Variants in LIMS2 observed in about 807,000 individuals in gnomAD.
LIMS2 encodes LIM zinc finger domain containing 2, also known as LIM and senescent cell antigen-like-containing domain protein 2.
A neutral mutation model predicts 45.3 loss-of-function variants in LIMS2; 30 were observed. The ratio of observed to expected loss-of-function variants is 0.66; its 90% CI spans 0.50 to 0.90. LIMS2 has a LOEUF of 0.90. Among genes scored for constraint, LIMS2 ranks in the 40% least tolerant of loss-of-function variants. LIMS2 has a pLI of 0.00. For synonymous variants in LIMS2, 173 were observed against 188.0 expected (o/e 0.92, Z 0.65); for missense variants, 485 against 468.7 (o/e 1.03, Z -0.32).
chr2:127,664,607 C>A lies in LIMS2; in HGVS notation c.12-7045G>T, dbSNP rs1558898893. On this transcript the variant is annotated intron_variant, in intron 1 of 9. Transcript: ENST00000355119. This position sits in a 1 kb window ranked among gnomAD's most constrained non-coding sequence, Gnocchi z 5.5. ...AATAGAAAGGATATTGTTCGCGCCGCGGGGGCAGCTCCTGAAAGCTGAGGC... is the reference window on the plus strand; with the variant it reads ...AATAGAAAGGATATTGTTCGCGCCGAGGGGGCAGCTCCTGAAAGCTGAGGC... 6 of 1,118,058 alleles carry A rather than the reference C, an allele frequency of 5.4e-6. No individual in the cohort carries two copies. The South Asian group carries it at 2.2e-4, about 41-fold the overall frequency. The allele number at this position is 1,118,058 out of a possible 1,614,324, so 69.3% of individuals were successfully genotyped here. A position where few individuals can be genotyped will look rare whatever the true frequency, so the allele number is the denominator to read the frequency against.
rs537035634 is a variant in LIMS2, at chr2:127,638,876, T to C, written c.*405A>G. ...GGCTGTGGGTAGCCCAGGAGCCACA[T>C]GCGCTTAGTGGGGCCGCTCTGGGGC... is the stretch of plus-strand genomic sequence containing the variant. On this transcript the variant is annotated 3_prime_UTR_variant, in exon 10 of 10. Coordinates refer to ENST00000355119, the MANE Select transcript of LIMS2 (RefSeq NM_001161403.3). 38 of 184,990 alleles carry C rather than the reference T, an allele frequency of 2.1e-4. No individual in the cohort carries two copies. Among genetic ancestry groups the C allele is most frequent in the Non-Finnish European group, 5.7e-5 (5 of 88,192 alleles). The allele number at this position is 184,990 out of a possible 1,614,324, so 11.5% of individuals were successfully genotyped here.
At chr2:127,657,974 G>C (rs1272052467) in intron 1 of LIMS2, among the ~76,000 whole-genome samples, 1 of 152,194 alleles carries the variant, frequency 6.6e-6, no homozygotes, top group Non-Finnish European at 1.5e-5. Flanking sequence ...AGCAGAGCGG[G>C]GTCCACACTT....
intron 1 of LIMS2, 41 bp from the exon 2 acceptor site, chr2:127,657,603 G>C: frequency 6.4e-7 from 1 of 1,556,826 alleles, no homozygotes; most frequent in Non-Finnish European, 8.7e-7. Flanking sequence ...GAGCTGGTCA[G>C]GGGTGCAGAT....
intron 4 of LIMS2, chr2:127,651,046 G>A: frequency 6.2e-7 from 1 of 1,613,764 alleles, no homozygotes; most frequent in Non-Finnish European, 8.5e-7. Flanking sequence ...GAAATCGCAT[G>A]CCGTCTCACC....
In LIMS2 at chr2:127,647,287, T is replaced by G. The variant is rs1466553452; in HGVS notation, c.360-4215A>C. On this transcript the variant is annotated intron_variant, in intron 4 of 9. Transcript: ENST00000355119. This position sits in a 1 kb window ranked among gnomAD's most constrained non-coding sequence, Gnocchi z 4.3. The stretch of plus-strand genomic sequence containing the variant: ...CCTGGGAGACAACTCCATGGCAAAC[T>G]CTGAGACTGAGTCACACTCCCCACC... 7.9e-5 allele frequency among the ~76,000 whole-genome samples: 12 copies of G among 152,044 alleles called. No individual in the cohort carries two copies. The East Asian group carries it at 2.3e-3, about 29-fold the overall frequency.
rs752811662 is a variant in LIMS2, at chr2:127,657,407, T to C, written c.167A>G (p.Tyr56Cys). Residue 56 changes from tyrosine (Y) to cysteine (C), a missense_variant, in exon 2 of 10, where the codon TAT becomes TGT. By Grantham distance (194) the Tyr-to-Cys change is radical. Coordinates refer to ENST00000355119, the MANE Select transcript of LIMS2 (RefSeq NM_001161403.3). ...AGCCCTCAGTAGTGTCCTCACCTCA[T>C]AGAAGAGCCCCTCGGGGAAGGGCCG... is the stretch of plus-strand genomic sequence containing the variant. ...CFRPFPEGLF[Y>C]EFEGRKYCEH... 35 of 1,613,600 alleles carry C rather than the reference T, an allele frequency of 2.2e-5. No homozygotes were observed. In the South Asian group the frequency reaches 2.7e-4, roughly 13 times the overall value.
At position 127,642,464 on chromosome 2, in the gene LIMS2, C is replaced by CCCT. The variant is rs1682524661; in HGVS notation, c.510-268_510-266dup. The CCCT allele has an allele frequency of 2.4e-6, 1 of 422,084 alleles. No homozygotes were observed. The highest frequency in any genetic ancestry group is 4.0e-5 in the Admixed American group (1 of 24,866). 26.1% of individuals were successfully genotyped at this position (422,084 alleles called of 1,614,324 possible). ...GAGAAGCAGGTCTGTTCTTGGGCCCCCCTCCTCCTCCAAACCAGAGGGGGT... is the reference window on the plus strand; with the variant it reads ...GAGAAGCAGGTCTGTTCTTGGGCCCCCCTCCTCCTCCTCCAAACCAGAGGGGGT... On this transcript the variant is annotated intron_variant, in intron 5 of 9. Coordinates refer to ENST00000355119, the MANE Select transcript of LIMS2 (RefSeq NM_001161403.3). This position sits in a 1 kb window ranked among gnomAD's most constrained non-coding sequence, Gnocchi z 5.3.
At position 127,659,489 on chromosome 2, in the gene LIMS2, C is replaced by T. The variant is rs73954687; in HGVS notation, c.12-1927G>A. On this transcript the variant is annotated intron_variant, in intron 1 of 9. Transcript: ENST00000355119. Reference sequence around the variant, plus strand: ...GAGCCTGGCCGCCCCAAGCCACCCTCGAGGGCTGGGCAGGGCTTCACTAGG... The same window carrying T: ...GAGCCTGGCCGCCCCAAGCCACCCTTGAGGGCTGGGCAGGGCTTCACTAGG... Among the ~76,000 whole-genome samples the T allele has an allele frequency of 2.6e-3, 393 of 152,048 alleles. 1 individual carries two copies. The highest frequency in any genetic ancestry group is 8.8e-3 in the African/African-American group (365 of 41,484).
At chr2:127,640,577 C>T (rs1682304846) in intron 7 of LIMS2, 4 of 601,504 alleles carry the variant, frequency 6.6e-6, no homozygotes, top group Non-Finnish European at 1.2e-5. Flanking sequence ...GGAGGTGGGC[C>T]CAGGTGGTGA....
chr2:127,657,366 G>A (rs374270306), intron 2 of LIMS2, 37 bp downstream of exon 2: 152 of 1,612,846 alleles, frequency 9.4e-5, no homozygotes, highest in African/African-American at 3.7e-4. Flanking sequence ...GGCAGACTCC[G>A]AGCTGGGTCT....
chr2:127,642,223 A>C lies in LIMS2; in HGVS notation c.510-24T>G, dbSNP rs975663784. 6.6e-7 allele frequency: 1 copy of C among 1,506,872 alleles called. No homozygotes were observed. 93.3% of individuals were successfully genotyped at this position (1,506,872 alleles called of 1,614,324 possible). ...TCCTGGAAGACAGCGTGCAGCCCCC[A>C]GGTGCCACCCCTGCCCTTCTGCAGG... is the stretch of plus-strand genomic sequence containing the variant. On this transcript the variant is annotated intron_variant, in intron 5 of 9. Transcript: ENST00000355119. The surrounding 1 kb of genome is among the most constrained non-coding windows in gnomAD (Gnocchi z 5.3).
At chr2:127,652,812 G>A (rs982548677) in intron 4 of LIMS2, among the ~76,000 whole-genome samples, 2 of 152,204 alleles carry the variant, frequency 1.3e-5, no homozygotes, top group African/African-American at 4.8e-5. Context: ...GGGGCTGGGA[G>A]GGCCAAGTAG....
rs759124947 is a variant in LIMS2 at position 127,639,369 on chromosome 2, G to A, written c.938C>T (p.Pro313Leu). ...PVCKRCYEKF[P>L]LELKKRLKKL... ...CTTCAGCCGCTTCTTCAGCTCCAGC[G>A]GGAACTTCTCGTAGCACCTCTTACA... Residue 313 changes from proline (P) to leucine (L), a missense_variant, in exon 10 of 10, where the codon CCG (proline) becomes CTG (leucine). Physicochemically the swap from Pro to Leu is moderately conservative, Grantham distance 98 (BLOSUM62 -3). Transcript: ENST00000355119. 5.0e-6 allele frequency: 8 copies of A among 1,613,926 alleles called. No homozygotes were observed. The highest frequency in any genetic ancestry group is 2.2e-5 in the South Asian group (2 of 91,078).
Position 127,653,487 on chromosome 2 carries a change from T to C in LIMS2, c.359+937A>G, listed in dbSNP as rs1391216403. Among the ~76,000 whole-genome samples the C allele has an allele frequency of 6.6e-6, 1 of 152,138 alleles. No homozygotes were observed. The highest frequency in any genetic ancestry group is 1.5e-5 in the Non-Finnish European group (1 of 68,022). On this transcript the variant is annotated intron_variant, in intron 4 of 9. Transcript: ENST00000355119. This position sits in a 1 kb window ranked among gnomAD's most constrained non-coding sequence, Gnocchi z 5.3. ...TGGAGCCTGGAATTCTCCAGACACA[T>C]GTGCCATTTAGGGCTCTAGGATTCT...
chr2:127,658,979 G>A (rs1373693342), intron 1 of LIMS2, among the ~76,000 whole-genome samples: 3 of 152,232 alleles, frequency 2.0e-5, no homozygotes, highest in East Asian at 1.9e-4. Flanking sequence ...GCTGTTCTGC[G>A]GCCTGCAATC....
At chr2:127,673,409 T>C (rs1227306957) in intron 1 of LIMS2, among the ~76,000 whole-genome samples, 1 of 152,126 alleles carries the variant, frequency 6.6e-6, no homozygotes, top group Non-Finnish European at 1.5e-5. Context: ...CCCTGTGTCA[T>C]TTGAGGGTAA....
intron 4 of LIMS2, among the ~76,000 whole-genome samples, chr2:127,648,794 G>A (rs972933365): frequency 6.6e-6 from 1 of 151,594 alleles, no homozygotes; most frequent in Non-Finnish European, 1.5e-5. Flanking sequence ...GGTGGTGTGC[G>A]CCTGTAGTCC....
intron 1 of LIMS2, among the ~76,000 whole-genome samples, chr2:127,669,717 TA>T (rs113528757): frequency 5.3e-4 from 79 of 148,878 alleles, no homozygotes; most frequent in Middle Eastern, 3.4e-3. Context: ...GACTCCATCT[TA>T]AAAAAAAAAA....
chr2:127,649,225 G>A (rs1263175857), intron 4 of LIMS2, among the ~76,000 whole-genome samples: 4 of 96,708 alleles, frequency 4.1e-5, no homozygotes, highest in Admixed American at 2.7e-4. Flanking sequence ...AGGGAGAAAT[G>A]TGCAGAGTGA....
Sources: gnomAD v4.1 joint callset for allele counts (sites outside exome capture counted in the v4.1 genomes callset) on GRCh38, gnomAD v4.1.1 for gene constraint, Gnocchi (gnomAD v3.1) non-coding constraint, MANE v1.5 for transcripts, NCBI Gene and HGNC (gene_info 2026-07-23, HGNC 2026-07-21) for gene names.